Variants in BAZ2B observed in about 807,000 individuals in gnomAD.
BAZ2B encodes bromodomain adjacent to zinc finger domain 2B.
Under a neutral mutation model 246.0 loss-of-function variants are expected in BAZ2B, and 91 were observed. The ratio of observed to expected loss-of-function variants is 0.37; its 90% CI spans 0.31 to 0.44. The LOEUF (loss-of-function observed/expected upper bound fraction) is 0.44. Among genes scored for constraint, BAZ2B ranks in the 20% least tolerant of loss-of-function variants. BAZ2B has a pLI of 1.00. For missense variants in BAZ2B, 2,332 were observed against 2,533.7 expected (o/e 0.92, Z 1.71); for synonymous variants, 855 against 860.0 (o/e 0.99, Z 0.10).
intron 1 of BAZ2B, chr2:159,615,399 T>A (rs976708666): frequency 6.6e-6 from 1 of 152,260 alleles, no homozygotes; most frequent in Non-Finnish European, 1.5e-5. Flanking sequence ...CAGACCTTAC[T>A]GTATGAGAAG....
the BAZ2B span, among the ~76,000 whole-genome samples, chr2:159,661,097 C>G: frequency 1.3e-5 from 2 of 152,234 alleles, no homozygotes; most frequent in East Asian, 3.9e-4. Context: ...CTCCCTACTC[C>G]CCTTCTTCCT....
intron 1 of BAZ2B, among the ~76,000 whole-genome samples, chr2:159,587,852 G>A (rs1394064620): frequency 6.6e-6 from 1 of 152,102 alleles, no homozygotes; most frequent in Non-Finnish European, 1.5e-5. Flanking sequence ...GTTGCTCAAT[G>A]CTGCAATGAA....
intron 31 of BAZ2B, 89 bp from the exon 32 acceptor site, chr2:159,337,861 C>T: frequency 8.2e-7 from 1 of 1,226,036 alleles, no homozygotes; most frequent in Non-Finnish European, 1.1e-6. Context: ...GCATTGGATA[C>T]TGGCAGATCT....
intron 2 of BAZ2B, among the ~76,000 whole-genome samples, chr2:159,505,544 T>C (rs1451908161): frequency 6.6e-6 from 1 of 152,162 alleles, no homozygotes; most frequent in Admixed American, 6.5e-5. Context: ...AAATAATAAC[T>C]AACATTCACT....
At chr2:159,508,712 C>A (rs936458086) in intron 2 of BAZ2B, among the ~76,000 whole-genome samples, 1 of 152,108 alleles carries the variant, frequency 6.6e-6, no homozygotes, top group Non-Finnish European at 1.5e-5. Flanking sequence ...ACCCCCTGAC[C>A]AGAAATTTAA....
chr2:159,332,046 T>A (rs1450690827), intron 34 of BAZ2B, among the ~76,000 whole-genome samples: 2 of 152,094 alleles, frequency 1.3e-5, no homozygotes, highest in African/African-American at 4.8e-5. Flanking sequence ...TAGTTAAAAG[T>A]TAGGTTAAGA....
At chr2:159,691,995 A>G in the BAZ2B span, among the ~76,000 whole-genome samples, 8 of 152,230 alleles carry the variant, frequency 5.3e-5, no homozygotes, top group Admixed American at 2.6e-4. Flanking sequence ...ATTTCTCTCC[A>G]CTGTGAATGA....
At chr2:159,678,047 C>A in the BAZ2B span, among the ~76,000 whole-genome samples, 19 of 152,178 alleles carry the variant, frequency 1.2e-4, no homozygotes, top group South Asian at 3.7e-3. Context: ...CCTAGTCTCA[C>A]GCTATTACAG....
intron 2 of BAZ2B, among the ~76,000 whole-genome samples, chr2:159,534,827 G>A (rs1006451163): frequency 3.3e-5 from 5 of 151,984 alleles, no homozygotes; most frequent in Admixed American, 6.6e-5. Context: ...GGTTGGTCTC[G>A]AATTCCTGAC....
the BAZ2B span, among the ~76,000 whole-genome samples, chr2:159,640,547 G>A: frequency 2.0e-5 from 3 of 151,952 alleles, no homozygotes; most frequent in African/African-American, 7.2e-5. Flanking sequence ...ATAACAAGAG[G>A]AATTTTGGAA....
chr2:159,583,826 T>G lies in BAZ2B; in HGVS notation c.-45-27961A>C, dbSNP rs1687407939. Reference sequence around the variant, plus strand: ...GTTAGTGTTAAGGTAAAGAGTCATGTGGAAGTGTACATCTGAGCAATGGTT... The same window carrying G: ...GTTAGTGTTAAGGTAAAGAGTCATGGGGAAGTGTACATCTGAGCAATGGTT... On this transcript the variant is annotated intron_variant, in intron 1 of 36. Transcript: ENST00000392783. Among the ~76,000 whole-genome samples, 3 of 152,098 alleles carry G rather than the reference T, an allele frequency of 2.0e-5. No homozygotes were observed. The South Asian group carries it at 6.2e-4, about 32-fold the overall frequency.
chr2:159,481,711 A>G (rs1251424191), intron 2 of BAZ2B, among the ~76,000 whole-genome samples: 2 of 151,892 alleles, frequency 1.3e-5, no homozygotes, highest in African/African-American at 4.8e-5. Context: ...ATGAGACACC[A>G]CACAGACCCA....
intron 3 of BAZ2B, among the ~76,000 whole-genome samples, chr2:159,467,489 C>T (rs1258434987): frequency 6.6e-6 from 1 of 152,136 alleles, no homozygotes; most frequent in Non-Finnish European, 1.5e-5. Flanking sequence ...CCTCCCCCAG[C>T]ACCAATAAAA....
At chr2:159,653,974 T>C in the BAZ2B span, among the ~76,000 whole-genome samples, 4 of 152,142 alleles carry the variant, frequency 2.6e-5, no homozygotes, top group Admixed American at 2.6e-4. Context: ...TAAAAAAGCA[T>C]TAAGTAGACT....
chr2:159,571,865 A>G (rs1227337517), intron 1 of BAZ2B, among the ~76,000 whole-genome samples: 20 of 152,170 alleles, frequency 1.3e-4, no homozygotes, highest in Non-Finnish European at 2.9e-4. Flanking sequence ...CTCCCAAGAT[A>G]ACAAACCCAC....
At chr2:159,459,726 T>C (rs891808750) in intron 3 of BAZ2B, 2 of 152,158 alleles carry the variant, frequency 1.3e-5, no homozygotes, top group East Asian at 1.9e-4. Context: ...TCAAGTCAAA[T>C]AGGCTCTATT....
At chr2:159,445,343 G>C (rs557942298) in intron 6 of BAZ2B, among the ~76,000 whole-genome samples, 1 of 152,278 alleles carries the variant, frequency 6.6e-6, no homozygotes, top group East Asian at 1.9e-4. Context: ...AATAATACAG[G>C]AAAAGGAGAT....
chr2:159,537,414 GATAA>G (rs1295832035), intron 2 of BAZ2B, among the ~76,000 whole-genome samples: 2 of 152,264 alleles, frequency 1.3e-5, no homozygotes, highest in South Asian at 2.1e-4. Context: ...TGGATAAAGG[GATAA>G]ATGAGGCACT....
At chr2:159,651,444 T>A in the BAZ2B span, among the ~76,000 whole-genome samples, 1 of 152,222 alleles carries the variant, frequency 6.6e-6, no homozygotes, top group African/African-American at 2.4e-5. Flanking sequence ...ATTCTCATAA[T>A]CACTTTTCTG....
Sources: allele counts gnomAD v4.1 joint callset (sites outside exome capture counted in the v4.1 genomes callset), GRCh38; gene constraint gnomAD v4.1.1; transcripts MANE v1.5; gene names NCBI Gene and HGNC (gene_info 2026-07-23, HGNC 2026-07-21).